Variants in SLC1A2 observed in about 807,000 individuals in gnomAD.
SLC1A2 encodes solute carrier family 1 member 2.
Under a neutral mutation model 48.8 loss-of-function variants are expected in SLC1A2, and 15 were observed. That is an observed-to-expected ratio of 0.31 (90% CI 0.21 to 0.47). The LOEUF (loss-of-function observed/expected upper bound fraction) is 0.47, where lower values mean the gene tolerates loss of function less well. SLC1A2 is among the 20% of genes least tolerant of loss of function. The pLI is 0.99. For missense variants in SLC1A2, 502 were observed against 730.5 expected, an observed-to-expected ratio of 0.69 and a Z score of 3.61; for synonymous variants, 279 against 272.6, an observed-to-expected ratio of 1.02 and a Z score of -0.23.
intron 1 of SLC1A2, among the ~76,000 whole-genome samples, chr11:35,354,294 A>C (rs1249179829): frequency 6.6e-6 from 1 of 152,060 alleles, no homozygotes; most frequent in Non-Finnish European, 1.5e-5. Context: ...TCTACAAAAA[A>C]AAAATTTTTT....
intron 1 of SLC1A2, among the ~76,000 whole-genome samples, chr11:35,323,935 G>T (rs932934935): frequency 1.3e-5 from 2 of 152,160 alleles, no homozygotes; most frequent in Non-Finnish European, 2.9e-5. Flanking sequence ...ACATGGGCAG[G>T]TCAATGCCTT....
intron 1 of SLC1A2, among the ~76,000 whole-genome samples, chr11:35,405,551 G>C (rs1855261930): frequency 6.6e-6 from 1 of 152,050 alleles, no homozygotes; most frequent in Admixed American, 6.6e-5. Flanking sequence ...GAAAGGAATA[G>C]ACAGACATGA....
intron 1 of SLC1A2, chr11:35,390,906 T>C (rs1226259727): frequency 6.6e-6 from 1 of 152,246 alleles, no homozygotes; most frequent in African/African-American, 2.4e-5. Flanking sequence ...CCTCAAGTGA[T>C]CTGCCCGCCT....
chr11:35,404,794 G>A (rs1268136313), intron 1 of SLC1A2, among the ~76,000 whole-genome samples: 1 of 152,180 alleles, frequency 6.6e-6, no homozygotes, highest in Non-Finnish European at 1.5e-5. Flanking sequence ...GAGGGAGAGA[G>A]AAAGCAAATA....
chr11:35,329,022 T>A (rs147759592), intron 1 of SLC1A2, among the ~76,000 whole-genome samples: 1 of 152,294 alleles, frequency 6.6e-6, no homozygotes, highest in Non-Finnish European at 1.5e-5. Context: ...AGTGGGCAAA[T>A]GGATAAACCA....
chr11:35,401,692 T>A (rs1196385079), intron 1 of SLC1A2, among the ~76,000 whole-genome samples: 1 of 152,198 alleles, frequency 6.6e-6, no homozygotes, highest in Non-Finnish European at 1.5e-5. Flanking sequence ...GCATTTTTTT[T>A]CTACACCACA....
intron 6 of SLC1A2, chr11:35,299,015 A>G (rs1233000934): frequency 1.3e-5 from 2 of 152,260 alleles, no homozygotes; most frequent in Non-Finnish European, 2.9e-5. Context: ...TAAAGTCTCA[A>G]CAGACTCAGA....
chr11:35,392,564 C>A (rs1452004866), intron 1 of SLC1A2, among the ~76,000 whole-genome samples: 1 of 152,242 alleles, frequency 6.6e-6, no homozygotes, highest in Non-Finnish European at 1.5e-5. Context: ...CTTATTCATA[C>A]TCCATCTTGC....
At chr11:35,401,342 G>A (rs920066535) in intron 1 of SLC1A2, among the ~76,000 whole-genome samples, 21 of 152,130 alleles carry the variant, frequency 1.4e-4, no homozygotes, top group African/African-American at 4.8e-4. Context: ...AAAATATGTT[G>A]AAAATATATT....
intron 1 of SLC1A2, among the ~76,000 whole-genome samples, chr11:35,371,385 C>T (rs1345846894): frequency 6.6e-6 from 1 of 152,190 alleles, no homozygotes; most frequent in Admixed American, 6.5e-5. Flanking sequence ...TCTCACTCTT[C>T]ATCTCCCTGC....
chr11:35,278,069 A>G (rs1372669492), intron 9 of SLC1A2, among the ~76,000 whole-genome samples: 1 of 152,162 alleles, frequency 6.6e-6, no homozygotes, highest in Non-Finnish European at 1.5e-5. Context: ...GCTAGCAGGT[A>G]GGGACGCCAC....
chr11:35,296,366 A>G (rs1371931764), intron 6 of SLC1A2, among the ~76,000 whole-genome samples: 4 of 152,248 alleles, frequency 2.6e-5, no homozygotes, highest in African/African-American at 4.8e-5. Context: ...CTCAGAAAGT[A>G]TCACAAATCT....
intron 1 of SLC1A2, among the ~76,000 whole-genome samples, chr11:35,355,692 C>T (rs139053774): frequency 0.014 from 2,063 of 152,226 alleles, 36 homozygotes; most frequent in African/African-American, 0.045. Flanking sequence ...CAAGACCAGC[C>T]TAGTCAACAT....
At chr11:35,394,881 G>C (rs1854903249) in intron 1 of SLC1A2, among the ~76,000 whole-genome samples, 1 of 152,208 alleles carries the variant, frequency 6.6e-6, no homozygotes, top group Non-Finnish European at 1.5e-5. Flanking sequence ...TACAGCTGCA[G>C]GTATGTTGCC....
chr11:35,391,679 T>G (rs181620452), intron 1 of SLC1A2: 1 of 152,368 alleles, frequency 6.6e-6, no homozygotes, highest in Admixed American at 6.5e-5. Context: ...GGTTGTTAAC[T>G]GCTGTTTTAG....
intron 1 of SLC1A2, among the ~76,000 whole-genome samples, chr11:35,389,008 C>T (rs556383844): frequency 9.2e-5 from 14 of 152,196 alleles, no homozygotes; most frequent in South Asian, 6.2e-4. Context: ...ATTTGGGTAA[C>T]GGGTACACTA....
chr11:35,270,193 A>G (rs1254322209), intron 9 of SLC1A2, among the ~76,000 whole-genome samples: 2 of 152,226 alleles, frequency 1.3e-5, no homozygotes, highest in African/African-American at 4.8e-5. Flanking sequence ...TGCAAAATCA[A>G]GATGCAAAGG....
chr11:35,402,943 C>T (rs560306583), intron 1 of SLC1A2, among the ~76,000 whole-genome samples: 2 of 152,228 alleles, frequency 1.3e-5, no homozygotes, highest in African/African-American at 4.8e-5. Context: ...ATCTTATCAC[C>T]TGTGGCTCTA....
chr11:35,380,154 T>C (rs1006141638), intron 1 of SLC1A2, among the ~76,000 whole-genome samples: 2 of 152,230 alleles, frequency 1.3e-5, no homozygotes, highest in Non-Finnish European at 2.9e-5. Context: ...ACTGGTTTGA[T>C]AAGACAATCA....
Sources: gnomAD v4.1 joint callset for allele counts (sites outside exome capture counted in the v4.1 genomes callset) on GRCh38, gnomAD v4.1.1 for gene constraint, MANE v1.5 for transcripts, NCBI Gene and HGNC (gene_info 2026-07-23, HGNC 2026-07-21) for gene names.